The following PUDP variants were observed in gnomAD, a reference collection of about 807,000 sequenced individuals.
PUDP encodes the protein pseudouridine 5'-phosphatase.
PUDP carries 8 observed loss-of-function variants against 9.4 expected under a neutral mutation model. The ratio of observed to expected loss-of-function variants is 0.85; its 90% CI spans 0.50 to 1.53. PUDP has a LOEUF of 1.53. Ranked by LOEUF, PUDP falls within the 40% of genes most tolerant of loss-of-function variation. The pLI, the probability that PUDP is intolerant of heterozygous loss-of-function variation, is 0.00. For missense variants in PUDP, 188 were observed against 189.7 expected (o/e 0.99, Z 0.05); for synonymous variants, 99 against 80.7 (o/e 1.23, Z -1.22).
At chrX:6,818,506 T>G (rs1360794608) in intron 3 of PUDP, among the ~76,000 whole-genome samples, 1 of 112,400 alleles carries the variant, frequency 8.9e-6, no homozygotes, top group Non-Finnish European at 1.9e-5. Context: ...CTCTCTAAAT[T>G]TCCAATTTTC....
At chrX:7,003,831 C>A (rs1285792087) in intron 1 of PUDP, among the ~76,000 whole-genome samples, 1 of 111,361 alleles carries the variant, frequency 9.0e-6, no homozygotes, top group Admixed American at 9.5e-5. Flanking sequence ...TCCAGATGGG[C>A]AAATTACTGG....
chrX:6,815,214 C>G (rs1278841405), intron 3 of PUDP, among the ~76,000 whole-genome samples: 3 of 108,300 alleles, frequency 2.8e-5, no homozygotes, highest in African/African-American at 1.0e-4. Context: ...GTCCATTTGG[C>G]AAAGTGATGA....
At chrX:6,746,500 G>A (rs1925001052) in intron 3 of PUDP, among the ~76,000 whole-genome samples, 1 of 111,288 alleles carries the variant, frequency 9.0e-6, no homozygotes, top group Admixed American at 9.5e-5. Flanking sequence ...TGCTGCACCT[G>A]TCAACCCATC....
intron 3 of PUDP, among the ~76,000 whole-genome samples, chrX:6,783,658 T>C (rs978828071): frequency 8.9e-6 from 1 of 112,145 alleles, no homozygotes; most frequent in African/African-American, 3.2e-5. Flanking sequence ...TGTGGAATAT[T>C]GGAGATAACT....
intron 3 of PUDP, among the ~76,000 whole-genome samples, chrX:6,767,610 A>G (rs1334211220): frequency 8.9e-6 from 1 of 112,195 alleles, no homozygotes; most frequent in Non-Finnish European, 1.9e-5. Context: ...ACACAAATGG[A>G]CTTTAGGAAG....
chrX:6,860,505 C>G (rs1174085098), intron 3 of PUDP, among the ~76,000 whole-genome samples: 1 of 105,607 alleles, frequency 9.5e-6, no homozygotes, highest in African/African-American at 3.4e-5. Context: ...GAGTCTCACT[C>G]TGTTGGCCAG....
At chrX:6,860,312 A>T (rs1926977755) in intron 3 of PUDP, among the ~76,000 whole-genome samples, 1 of 109,204 alleles carries the variant, frequency 9.2e-6, no homozygotes, top group African/African-American at 3.3e-5. Context: ...TTTTTATTTT[A>T]ATTTTTTTTA....
intron 3 of PUDP, among the ~76,000 whole-genome samples, chrX:6,896,537 C>G (rs935804715): frequency 4.5e-5 from 5 of 112,097 alleles, no homozygotes; most frequent in African/African-American, 1.6e-4. Flanking sequence ...AGCTCTATTT[C>G]AAGGACCAAG....
intron 1 of PUDP, among the ~76,000 whole-genome samples, chrX:7,009,560 A>G (rs1279496705): frequency 2.7e-5 from 3 of 112,100 alleles, no homozygotes; most frequent in African/African-American, 6.5e-5. Context: ...CAATCTAGCA[A>G]GGAACTTTAT....
At chrX:7,057,196 T>G (rs1195653493) in intron 3 of PUDP, among the ~76,000 whole-genome samples, 1 of 112,378 alleles carries the variant, frequency 8.9e-6, no homozygotes, top group East Asian at 2.8e-4. Context: ...AAGTTCCATT[T>G]TATAACTAGC....
At chrX:6,809,010 G>A (rs183300240) in intron 3 of PUDP, among the ~76,000 whole-genome samples, 6 of 112,005 alleles carry the variant, frequency 5.4e-5, no homozygotes, top group Admixed American at 9.4e-5. Flanking sequence ...GGCTGGACAC[G>A]TGTGTTTGGG....
chrX:6,728,343 A>G (rs1033676126), intron 3 of PUDP, among the ~76,000 whole-genome samples: 3 of 111,201 alleles, frequency 2.7e-5, no homozygotes, highest in African/African-American at 9.8e-5. Flanking sequence ...GGCAACATAG[A>G]GAAACATAAC....
At chrX:7,030,880 T>C (rs1207465076) in intron 1 of PUDP, among the ~76,000 whole-genome samples, 1 of 111,820 alleles carries the variant, frequency 8.9e-6, no homozygotes, top group Non-Finnish European at 1.9e-5. Context: ...AGCAAGTTTA[T>C]TAAGAAAGTA....
At chrX:6,894,369 T>G (rs1816807061) in intron 3 of PUDP, among the ~76,000 whole-genome samples, 1 of 112,121 alleles carries the variant, frequency 8.9e-6, no homozygotes, top group Non-Finnish European at 1.9e-5. Flanking sequence ...CTCTGCTGGC[T>G]TTACTCCTAA....
intron 1 of PUDP, among the ~76,000 whole-genome samples, chrX:6,709,014 G>A (rs1157912393): frequency 8.9e-6 from 1 of 112,274 alleles, no homozygotes; most frequent in Non-Finnish European, 1.9e-5. Context: ...TGCATGTAGA[G>A]TTTGTTCTCT....
intron 3 of PUDP, among the ~76,000 whole-genome samples, chrX:6,892,603 C>T (rs949929123): frequency 6.3e-5 from 7 of 111,061 alleles, no homozygotes; most frequent in East Asian, 2.8e-4. Context: ...ACAACACATG[C>T]GAATTGTGGG....
chrX:6,805,541 T>C (rs1487235710), intron 3 of PUDP, among the ~76,000 whole-genome samples: 1 of 110,672 alleles, frequency 9.0e-6, no homozygotes, highest in East Asian at 2.9e-4. Context: ...TTTTTTCTTT[T>C]GGAGACAGAG....
Position 6,889,298 on chromosome X carries a change from C to T in PUDP, c.*247+87835G>A, listed in dbSNP as rs151271696. On this transcript the variant is annotated intron_variant and NMD_transcript_variant, in intron 3 of 3. Coordinates refer to the PUDP transcript ENST00000655425. Reference sequence around the variant, plus strand: ...TTCTGATTCTCCCTCTCTCCCTCCACGTTGATTGACATTTTCCTTTATCTT... The same window carrying T: ...TTCTGATTCTCCCTCTCTCCCTCCATGTTGATTGACATTTTCCTTTATCTT... 5.7e-3 allele frequency among the ~76,000 whole-genome samples: 630 copies of T among 111,441 alleles called. 1 individual carries two copies. Among genetic ancestry groups the T allele is most frequent in the Non-Finnish European group, 7.7e-3 (407 of 53,019 alleles).
intron 2 of PUDP, among the ~76,000 whole-genome samples, chrX:7,099,758 A>G (rs1377016281): frequency 8.9e-6 from 1 of 111,775 alleles, no homozygotes. Context: ...CAGGGCAAAG[A>G]TACACTTCTA....
Sources: allele counts gnomAD v4.1 joint callset (sites outside exome capture counted in the v4.1 genomes callset), GRCh38; gene constraint gnomAD v4.1.1; transcripts MANE v1.5; gene names NCBI Gene and HGNC (gene_info 2026-07-23, HGNC 2026-07-21).